NTM: variants seen among roughly 807,000 people sequenced by gnomAD.
NTM encodes the protein neurotrimin.
A neutral mutation model predicts 42.1 loss-of-function variants in NTM; 13 were observed. That is an observed-to-expected ratio of 0.31 (90% CI 0.20 to 0.49). The LOEUF is 0.49. Among genes scored for constraint, NTM ranks in the 20% least tolerant of loss-of-function variants. NTM has a pLI of 0.99. For synonymous variants in NTM, 187 were observed against 179.2 expected (o/e 1.04, Z -0.35); for missense variants, 373 against 452.8 (o/e 0.82, Z 1.60).
intron 1 of NTM, among the ~76,000 whole-genome samples, chr11:131,715,736 A>G (rs2077627417): frequency 6.6e-6 from 1 of 152,132 alleles, no homozygotes; most frequent in Non-Finnish European, 1.5e-5. Context: ...AGAATTTCAT[A>G]TATTTGGAAT....
chr11:131,766,416 A>G (rs143313741), intron 1 of NTM, among the ~76,000 whole-genome samples: 1 of 152,240 alleles, frequency 6.6e-6, no homozygotes, highest in Non-Finnish European at 1.5e-5. Flanking sequence ...GATGCGACAG[A>G]ATGGCAGCAA....
At chr11:131,411,538 G>A (rs927445016) in intron 1 of NTM, among the ~76,000 whole-genome samples, 3 of 128,686 alleles carry the variant, frequency 2.3e-5, no homozygotes, top group Admixed American at 8.3e-5. Flanking sequence ...TTTAGGGGGG[G>A]CCGTGTGTGT....
intron 1 of NTM, among the ~76,000 whole-genome samples, chr11:131,524,642 C>T (rs559280855): frequency 2.6e-5 from 4 of 152,318 alleles, no homozygotes; most frequent in Non-Finnish European, 4.4e-5. Flanking sequence ...AATAGTAAGA[C>T]CTGCCTGAGT....
intron 2 of NTM, among the ~76,000 whole-genome samples, chr11:132,010,614 T>G (rs2071936331): frequency 1.5e-5 from 1 of 66,684 alleles, no homozygotes; most frequent in South Asian, 6.2e-4. Flanking sequence ...CCATTTCTAC[T>G]GTCTTTTTTT....
At chr11:131,997,028 C>T (rs1565910642) in intron 2 of NTM, among the ~76,000 whole-genome samples, 1 of 152,212 alleles carries the variant, frequency 6.6e-6, no homozygotes, top group Non-Finnish European at 1.5e-5. Context: ...TGAACATGGT[C>T]AGCTTCACCA....
intron 1 of NTM, among the ~76,000 whole-genome samples, chr11:131,593,710 G>C (rs1056378160): frequency 1.3e-5 from 2 of 152,234 alleles, no homozygotes; most frequent in African/African-American, 2.4e-5. Flanking sequence ...ACTCAATCTA[G>C]TTCTAAAACC....
chr11:132,070,219 C>G (rs528868234), intron 2 of NTM, among the ~76,000 whole-genome samples: 1 of 144,120 alleles, frequency 6.9e-6, no homozygotes, highest in Admixed American at 6.9e-5. Flanking sequence ...CTGACCATCA[C>G]AGGTTAGTTA....
intron 2 of NTM, among the ~76,000 whole-genome samples, chr11:132,128,229 T>A (rs1047006209): frequency 7.9e-6 from 1 of 126,548 alleles, no homozygotes; most frequent in African/African-American, 3.0e-5. Context: ...AAAGTTGTTC[T>A]GTGAGTGTGT....
intron 4 of NTM, among the ~76,000 whole-genome samples, chr11:132,263,094 A>G (rs950561259): frequency 2.0e-5 from 3 of 152,166 alleles, no homozygotes; most frequent in Non-Finnish European, 4.4e-5. Context: ...CTACAGGAAT[A>G]TATCTTCTTT....
chr11:132,325,935 C>G (rs573036964), intron 7 of NTM, among the ~76,000 whole-genome samples: 36 of 150,944 alleles, frequency 2.4e-4, no homozygotes, highest in African/African-American at 8.5e-4. Context: ...CCAAACACCG[C>G]GTGTTCTCAC....
intron 4 of NTM, among the ~76,000 whole-genome samples, chr11:132,305,884 G>C (rs1195133340): frequency 6.6e-6 from 1 of 152,182 alleles, no homozygotes; most frequent in East Asian, 1.9e-4. Flanking sequence ...CTTTTTGGCT[G>C]TGTTTTCTAC....
At chr11:131,560,725 C>G (rs1014655219) in intron 1 of NTM, among the ~76,000 whole-genome samples, 2 of 152,238 alleles carry the variant, frequency 1.3e-5, no homozygotes, top group Non-Finnish European at 2.9e-5. Flanking sequence ...CAATCGCTCT[C>G]TCATTAAATG....
chr11:132,320,341 G>A (rs1241376601), intron 7 of NTM, among the ~76,000 whole-genome samples: 3 of 152,228 alleles, frequency 2.0e-5, no homozygotes, highest in African/African-American at 7.2e-5. Context: ...AGCCAAAGCA[G>A]GGCGAGGCAT....
chr11:131,777,193 T>C (rs944838145), intron 1 of NTM: 2 of 349,810 alleles, frequency 5.7e-6, no homozygotes, highest in African/African-American at 4.5e-5. Context: ...GCCCTCTCTT[T>C]GCAAGCCTGA....
intron 1 of NTM, among the ~76,000 whole-genome samples, chr11:131,410,517 C>CAAAAAAAAAAA (rs1161389222): frequency 9.2e-5 from 3 of 32,766 alleles, no homozygotes; most frequent in Non-Finnish European, 1.0e-4. Flanking sequence ...AAACAATAAC[C>CAAAAAAAAAAA]AAAAAAAAAA....
chr11:131,955,144 G>T (rs78280178), intron 2 of NTM, among the ~76,000 whole-genome samples: 1 of 152,108 alleles, frequency 6.6e-6, no homozygotes, highest in African/African-American at 2.4e-5. Flanking sequence ...CCTTCAGGAA[G>T]GTACCCTGAG....
At chr11:131,829,720 T>C (rs1254440526) in intron 1 of NTM, among the ~76,000 whole-genome samples, 1 of 152,216 alleles carries the variant, frequency 6.6e-6, no homozygotes, top group Non-Finnish European at 1.5e-5. Flanking sequence ...GATTGCTGGG[T>C]TGAATGGTAG....
intron 1 of NTM, among the ~76,000 whole-genome samples, chr11:131,888,609 T>A (rs1220960225): frequency 6.6e-6 from 1 of 152,168 alleles, no homozygotes; most frequent in African/African-American, 2.4e-5. Flanking sequence ...TTGTCGCAGA[T>A]GTAAAATCCT....
chr11:131,872,187 A>G (rs990620763), intron 1 of NTM, among the ~76,000 whole-genome samples: 1 of 152,178 alleles, frequency 6.6e-6, no homozygotes, highest in Non-Finnish European at 1.5e-5. Flanking sequence ...GGCACAAACT[A>G]TTCACAAACA....
Sources: allele counts gnomAD v4.1 joint callset (sites outside exome capture counted in the v4.1 genomes callset), GRCh38; gene constraint gnomAD v4.1.1; transcripts MANE v1.5; gene names NCBI Gene and HGNC (gene_info 2026-07-23, HGNC 2026-07-21).